Variants in KDM6A observed in about 807,000 individuals in gnomAD.
KDM6A encodes lysine demethylase 6A.
KDM6A carries 11 observed loss-of-function variants against 117.6 expected under a neutral mutation model. The ratio of observed to expected loss-of-function variants is 0.09; its 90% CI spans 0.06 to 0.15. The LOEUF (loss-of-function observed/expected upper bound fraction) is 0.15. Among genes scored for constraint, KDM6A ranks in the 10% least tolerant of loss-of-function variants. KDM6A has a pLI of 1.00. For synonymous variants in KDM6A, 384 were observed against 396.1 expected, an observed-to-expected ratio of 0.97 and a Z score of 0.36; for missense variants, 799 against 1,077.3, an observed-to-expected ratio of 0.74 and a Z score of 3.62.
intron 2 of KDM6A, among the ~76,000 whole-genome samples, chrX:44,881,256 C>T (rs1041600068): frequency 9.8e-5 from 11 of 112,110 alleles, no homozygotes; most frequent in African/African-American, 3.6e-4. Flanking sequence ...CATGGTGAAA[C>T]CCCGTCTCTA....
chrX:44,925,237 C>T (rs1281717262), intron 2 of KDM6A, among the ~76,000 whole-genome samples: 2 of 111,042 alleles, frequency 1.8e-5, no homozygotes, highest in African/African-American at 6.6e-5. Context: ...ACTGCCTTGG[C>T]GTACCCAGAT....
chrX:45,051,365 T>TA (rs1460973303), intron 8 of KDM6A, among the ~76,000 whole-genome samples: 1 of 111,832 alleles, frequency 8.9e-6, no homozygotes, highest in African/African-American at 3.3e-5. Flanking sequence ...GGCAGACAGA[T>TA]ATGCACTTGG....
chrX:44,923,901 T>G lies in KDM6A; in HGVS notation c.226-37383T>G, dbSNP rs1276344906. On this transcript the variant is annotated intron_variant, in intron 2 of 29. Coordinates refer to ENST00000611820, the MANE Select transcript of KDM6A (RefSeq NM_001291415.2). ...CCTCGCCTGGCTAATTTTTGTATTTTTAGTGGAGACAGGGATTTGCCATGT... is the reference window on the plus strand; with the variant it reads ...CCTCGCCTGGCTAATTTTTGTATTTGTAGTGGAGACAGGGATTTGCCATGT... Among the ~76,000 whole-genome samples, 10 of 111,261 alleles carry G rather than the reference T, an allele frequency of 9.0e-5. No homozygotes were observed. In the South Asian group the frequency reaches 3.8e-3, roughly 42 times the overall value.
rs552481618 is a variant in KDM6A, at chrX:44,983,120, T to C, written c.384+8405T>C. On this transcript the variant is annotated intron_variant, in intron 4 of 29. Transcript: ENST00000611820. ...AGTTAAAAAGCAGTATATTTTGGAA[T>C]AAGGATTAGATTCTTTGGAAATTTT... 2.7e-5 allele frequency among the ~76,000 whole-genome samples: 3 copies of C among 111,970 alleles called. No homozygotes were observed. In the East Asian group the frequency reaches 8.4e-4, roughly 31 times the overall value.
In KDM6A at chrX:45,107,513, G is replaced by C. The variant is rs2148289703; in HGVS notation, c.4138G>C (p.Ala1380Pro). The C allele has an allele frequency of 8.3e-7, 1 of 1,210,046 alleles. No homozygotes were observed. Among genetic ancestry groups the C allele is most frequent in the Non-Finnish European group, 1.1e-6 (1 of 894,477 alleles). ...IWHGRTKEEP[A>P]HYCSICEVEV... ...GCATGGGCGGACAAAAGAAGAACCA[G>C]CTCATTACTGTAGCATTTGTGAAGT... Residue 1380 changes from alanine to proline, a missense_variant, in exon 28 of 30, where the codon GCT (alanine) becomes CCT (proline). Physicochemically the swap from Ala to Pro is conservative, Grantham distance 27. Coordinates refer to ENST00000611820, the MANE Select transcript of KDM6A (RefSeq NM_001291415.2).
At chrX:44,996,052 T>C (rs2040848201) in intron 4 of KDM6A, among the ~76,000 whole-genome samples, 1 of 110,731 alleles carries the variant, frequency 9.0e-6, no homozygotes, top group Non-Finnish European at 1.9e-5. Flanking sequence ...TTTCTGAAAT[T>C]ATTTATTTAT....
chrX:44,914,253 G>GA (rs1278416908), intron 2 of KDM6A, among the ~76,000 whole-genome samples: 1 of 112,116 alleles, frequency 8.9e-6, no homozygotes, highest in Non-Finnish European at 1.9e-5. Context: ...TGCTGGGGGG[G>GA]TCAGCACGCC....
At chrX:45,042,449 GATTTTC>G (rs954217512) in intron 8 of KDM6A, among the ~76,000 whole-genome samples, 2 of 110,713 alleles carry the variant, frequency 1.8e-5, no homozygotes, top group African/African-American at 3.3e-5. Flanking sequence ...TTATAATATG[GATTTTC>G]ATTTTCAAGT....
At chrX:44,932,683 T>G (rs1333908161) in intron 2 of KDM6A, among the ~76,000 whole-genome samples, 1 of 111,247 alleles carries the variant, frequency 9.0e-6, no homozygotes, top group Middle Eastern at 4.2e-3. Context: ...AAATATTTAT[T>G]AAGCCCCTTA....
At chrX:44,893,140 A>G (rs1201378209) in intron 2 of KDM6A, among the ~76,000 whole-genome samples, 1 of 109,693 alleles carries the variant, frequency 9.1e-6, no homozygotes, top group African/African-American at 3.3e-5. Context: ...GCACCACTAC[A>G]CTCCTTCAGC....
intron 2 of KDM6A, 76 bp downstream of exon 2, chrX:44,874,063 G>T: frequency 1.0e-6 from 1 of 986,213 alleles, no homozygotes; most frequent in Non-Finnish European, 1.4e-6. Flanking sequence ...CCCGCGGCCG[G>T]GTCTGTGCTC....
At position 44,974,636 on chromosome X, in the gene KDM6A, A is replaced by G. The variant is rs765586231; in HGVS notation, c.335-30A>G. 6.4e-5 allele frequency: 68 copies of G among 1,057,786 alleles called. No individual in the cohort carries two copies. In the Middle Eastern group the frequency reaches 7.7e-4, roughly 12 times the overall value. 87.2% of individuals were successfully genotyped at this position (1,057,786 alleles called of 1,213,427 possible). A position where few individuals can be genotyped will look rare whatever the true frequency, so the allele number is the denominator to read the frequency against. ...TATTATTGACTTTAAAGTGAGACAT[A>G]ATTATGACTCATAATTATTTTCCTT... On this transcript the variant is annotated intron_variant, in intron 3 of 29. Transcript: ENST00000611820.
intron 27 of KDM6A, among the ~76,000 whole-genome samples, chrX:45,105,647 C>G (rs1322930565): frequency 8.9e-6 from 1 of 112,079 alleles, no homozygotes; most frequent in Non-Finnish European, 1.9e-5. Context: ...TTGCTATGAT[C>G]TAAATTTTTA....
At chrX:45,079,937 C>G (rs745945682) in intron 21 of KDM6A, among the ~76,000 whole-genome samples, 1 of 112,097 alleles carries the variant, frequency 8.9e-6, no homozygotes, top group South Asian at 3.7e-4. Context: ...AGTGAAATGT[C>G]TCATTTCTGG....
At chrX:45,103,046 C>T (rs1333292791) in intron 27 of KDM6A, among the ~76,000 whole-genome samples, 1 of 111,131 alleles carries the variant, frequency 9.0e-6, no homozygotes, top group African/African-American at 3.3e-5. Context: ...GTGGCTGAGA[C>T]TGTTACCATA....
chrX:44,990,229 T>C (rs1203691150), intron 4 of KDM6A, among the ~76,000 whole-genome samples: 1 of 112,088 alleles, frequency 8.9e-6, no homozygotes, highest in Non-Finnish European at 1.9e-5. Flanking sequence ...TGGGATTGCA[T>C]TGACTTTGTA....
intron 27 of KDM6A, among the ~76,000 whole-genome samples, chrX:45,103,364 T>A (rs1478345952): frequency 9.0e-6 from 1 of 111,046 alleles, no homozygotes; most frequent in African/African-American, 3.3e-5. Flanking sequence ...CTTTTTCCTG[T>A]TCATAATCAA....
At chrX:44,990,133 T>A (rs2147387006) in intron 4 of KDM6A, among the ~76,000 whole-genome samples, 1 of 112,384 alleles carries the variant, frequency 8.9e-6, no homozygotes, top group East Asian at 2.8e-4. Flanking sequence ...TTTGCAATCT[T>A]AGATTTGTCC....
At chrX:44,972,054 T>C (rs2039375549) in intron 3 of KDM6A, among the ~76,000 whole-genome samples, 1 of 110,763 alleles carries the variant, frequency 9.0e-6, no homozygotes, top group Non-Finnish European at 1.9e-5. Flanking sequence ...TTGGGGCGGT[T>C]TGTCCCTAAC....
Sources: allele counts gnomAD v4.1 joint callset (sites outside exome capture counted in the v4.1 genomes callset), GRCh38; gene constraint gnomAD v4.1.1; transcripts MANE v1.5; gene names NCBI Gene and HGNC (gene_info 2026-07-23, HGNC 2026-07-21).